The following DOCK2 variants were observed in gnomAD, a reference collection of about 807,000 sequenced individuals.
The protein encoded by DOCK2 is dedicator of cytokinesis 2.
A neutral mutation model predicts 248.9 loss-of-function variants in DOCK2; 87 were observed. The observed-to-expected ratio is 0.35, with a 90% CI of 0.29 to 0.42. The LOEUF (loss-of-function observed/expected upper bound fraction) is 0.42. Ranked by LOEUF, DOCK2 falls within the 10% of genes least tolerant of loss-of-function variation. The pLI, the probability that DOCK2 is intolerant of heterozygous loss-of-function variation, is 1.00. For synonymous variants in DOCK2, 805 were observed against 821.6 expected, an observed-to-expected ratio of 0.98 and a Z score of 0.35; for missense variants, 1,747 against 2,300.2, an observed-to-expected ratio of 0.76 and a Z score of 4.92.
chr5:169,915,779 A>G (rs917131044), intron 27 of DOCK2, among the ~76,000 whole-genome samples: 1 of 152,244 alleles, frequency 6.6e-6, no homozygotes, highest in Non-Finnish European at 1.5e-5. Context: ...TGAAGAGTCT[A>G]CATATGGAAA....
chr5:169,748,905 C>A (rs1354678401), intron 23 of DOCK2, among the ~76,000 whole-genome samples: 1 of 152,212 alleles, frequency 6.6e-6, no homozygotes, highest in Non-Finnish European at 1.5e-5. Context: ...ACACATTAGG[C>A]CTGCCATGTT....
At chr5:169,990,812 C>T (rs549346728) in intron 29 of DOCK2, among the ~76,000 whole-genome samples, 7 of 152,308 alleles carry the variant, frequency 4.6e-5, no homozygotes, top group African/African-American at 7.2e-5. Flanking sequence ...AGGGCATGTC[C>T]GCCTCCTCTC....
intron 27 of DOCK2, among the ~76,000 whole-genome samples, chr5:169,910,763 T>G (rs146517227): frequency 0.015 from 2,245 of 152,302 alleles, 55 homozygotes; most frequent in African/African-American, 0.051. Flanking sequence ...GACTAAACTT[T>G]TTAGGTCACA....
intron 27 of DOCK2, among the ~76,000 whole-genome samples, chr5:169,895,805 C>A (rs78798405): frequency 7.7e-4 from 118 of 152,308 alleles, no homozygotes; most frequent in African/African-American, 2.8e-3. Flanking sequence ...TCAGTTTCCT[C>A]ATTTGAAAAT....
intron 27 of DOCK2, among the ~76,000 whole-genome samples, chr5:169,902,438 T>A (rs1360488047): frequency 6.6e-6 from 1 of 152,362 alleles, no homozygotes; most frequent in African/African-American, 2.4e-5. Flanking sequence ...CAGCAGGGCC[T>A]TGTGCTCCAG....
At position 169,764,844 on chromosome 5, in the gene DOCK2, TTTG is replaced by T. The variant is rs10636919; in HGVS notation, c.2554+3246_2554+3248del. Among the ~76,000 whole-genome samples, 2,973 of 151,048 alleles carry T rather than the reference TTTG, an allele frequency of 0.02. 96 individuals carry two copies. Among genetic ancestry groups the T allele is most frequent in the East Asian group, 0.07 (361 of 5,130 alleles). ...GCTCTCCATTCTGACTTTGAACGTGTTTGTTGTTGTTGTTGTTGTTGTTGTTGT... is the reference window on the plus strand; with the variant it reads ...GCTCTCCATTCTGACTTTGAACGTGTTTGTTGTTGTTGTTGTTGTTGTTGT... On this transcript the variant is annotated intron_variant, in intron 25 of 51. Transcript: ENST00000520908. The surrounding 1 kb of genome is among the most constrained non-coding windows in gnomAD (Gnocchi z 4.3).
intron 22 of DOCK2, among the ~76,000 whole-genome samples, chr5:169,721,450 G>T (rs1762200130): frequency 6.6e-6 from 1 of 152,198 alleles, no homozygotes; most frequent in African/African-American, 2.4e-5. Flanking sequence ...AGTCTCTAGG[G>T]CATTGGGAAG....
At chr5:169,806,454 A>G (rs1767367906) in intron 26 of DOCK2, among the ~76,000 whole-genome samples, 1 of 152,048 alleles carries the variant, frequency 6.6e-6, no homozygotes, top group South Asian at 2.1e-4. Context: ...TTAAAAGTCA[A>G]ACTAGCAGGA....
At position 169,944,601 on chromosome 5, in the gene DOCK2, CCT is replaced by C. The variant is rs1776373455; in HGVS notation, c.2800-38464_2800-38463del. ...GTGACCTTGGGAGAGCATTTTAATA[CCT>C]CTGTGCCTTGGTTTCCTCATCTGAG... is the stretch of plus-strand genomic sequence containing the variant. On this transcript the variant is annotated intron_variant, in intron 27 of 51. Coordinates refer to ENST00000520908, the MANE Select transcript of DOCK2 (RefSeq NM_004946.3). 2.0e-5 allele frequency among the ~76,000 whole-genome samples: 3 copies of C among 152,212 alleles called. No homozygotes were observed. The South Asian group carries it at 6.2e-4, about 31-fold the overall frequency.
intron 26 of DOCK2, among the ~76,000 whole-genome samples, chr5:169,811,824 C>A (rs951998561): frequency 6.6e-6 from 1 of 151,408 alleles, no homozygotes; most frequent in African/African-American, 2.4e-5. Context: ...CACGTTACCT[C>A]CCCCCACTCT....
At chr5:170,033,502 T>C (rs17738530) in intron 34 of DOCK2, among the ~76,000 whole-genome samples, 11,453 of 152,282 alleles carry the variant, frequency 0.075, 616 homozygotes, top group Admixed American at 0.12. Context: ...TGACTGTACA[T>C]GGCACTTTAT....
intron 6 of DOCK2, among the ~76,000 whole-genome samples, chr5:169,677,342 C>CT (rs58508527): frequency 0.056 from 8,447 of 152,086 alleles, 445 homozygotes; most frequent in African/African-American, 0.13. Flanking sequence ...GCTAAACATT[C>CT]TTTTTTTTGA....
At chr5:169,913,380 T>A (rs1774711523) in intron 27 of DOCK2, among the ~76,000 whole-genome samples, 1 of 152,132 alleles carries the variant, frequency 6.6e-6, no homozygotes, top group South Asian at 2.1e-4. Context: ...CTAGAACCTG[T>A]TTATAATTCA....
chr5:170,012,594 G>A (rs1023599531), intron 32 of DOCK2, among the ~76,000 whole-genome samples: 4 of 152,200 alleles, frequency 2.6e-5, no homozygotes, highest in African/African-American at 9.6e-5. Flanking sequence ...TGGAGAGGAG[G>A]TATGGGCAGG....
intron 30 of DOCK2, 120 bp from the exon 31 acceptor site, chr5:170,008,377 C>G: frequency 9.8e-7 from 1 of 1,015,982 alleles, no homozygotes; most frequent in South Asian, 1.5e-5. Flanking sequence ...GCAGTGGGCA[C>G]AATTAAACTG....
intron 25 of DOCK2, among the ~76,000 whole-genome samples, chr5:169,792,458 T>TGTGTGTGTGTGTGG: frequency 6.7e-6 from 1 of 150,170 alleles, no homozygotes; most frequent in East Asian, 1.9e-4. Context: ...TATATGTGTG[T>TGTGTGTGTGTGTGG]GTGTGTGTGT....
intron 27 of DOCK2, among the ~76,000 whole-genome samples, chr5:169,900,486 A>G (rs2113576265): frequency 6.6e-6 from 1 of 152,328 alleles, no homozygotes; most frequent in Non-Finnish European, 1.5e-5. Flanking sequence ...GCATGGCATG[A>G]AGGACCTTAT....
At chr5:169,744,828 A>C (rs1763514773) in intron 22 of DOCK2, among the ~76,000 whole-genome samples, 1 of 152,198 alleles carries the variant, frequency 6.6e-6, no homozygotes, top group Non-Finnish European at 1.5e-5. Context: ...GGACAGGCCA[A>C]CCAGCAGGAA....
At chr5:169,646,257 G>A (rs980026970) in intron 1 of DOCK2, among the ~76,000 whole-genome samples, 1 of 152,130 alleles carries the variant, frequency 6.6e-6, no homozygotes, top group Non-Finnish European at 1.5e-5. Context: ...TTGTAGATGC[G>A]TGGTGTTATT....
Sources: gnomAD v4.1 joint callset for allele counts (sites outside exome capture counted in the v4.1 genomes callset) on GRCh38, gnomAD v4.1.1 for gene constraint, Gnocchi (gnomAD v3.1) non-coding constraint, MANE v1.5 for transcripts, NCBI Gene and HGNC (gene_info 2026-07-23, HGNC 2026-07-21) for gene names.